The following HELZ variants were observed in gnomAD, a reference collection of about 807,000 sequenced individuals.
The protein encoded by HELZ is helicase with zinc finger.
Under a neutral mutation model 218.2 loss-of-function variants are expected in HELZ, and 23 were observed. The ratio of observed to expected loss-of-function variants is 0.11; its 90% CI spans 0.08 to 0.15. The LOEUF (loss-of-function observed/expected upper bound fraction) is 0.15. HELZ is among the 10% of genes least tolerant of loss of function. The pLI, the probability that HELZ is intolerant of heterozygous loss-of-function variation, is 1.00. For synonymous variants in HELZ, 814 were observed against 829.4 expected (o/e 0.98, Z 0.32); for missense variants, 1,813 against 2,353.7 (o/e 0.77, Z 4.75).
At chr17:67,167,882 T>TA (rs1280103607) in intron 13 of HELZ, 86 bp from the exon 14 acceptor site, 2 of 894,600 alleles carry the variant, frequency 2.2e-6, no homozygotes, top group Non-Finnish European at 3.4e-6. Context: ...AAATCAAATA[T>TA]AAACATACCA....
chr17:67,200,278 C>A (rs1361270857), intron 7 of HELZ, among the ~76,000 whole-genome samples: 1 of 152,146 alleles, frequency 6.6e-6, no homozygotes, highest in South Asian at 2.1e-4. Flanking sequence ...AACCTCAGGG[C>A]CTTTTACATG....
At chr17:67,105,335 A>G (rs2143723270) in intron 31 of HELZ, among the ~76,000 whole-genome samples, 1 of 152,338 alleles carries the variant, frequency 6.6e-6, no homozygotes, top group Admixed American at 6.5e-5. Context: ...TCCACTCCTA[A>G]GTTACAGTGT....
intron 27 of HELZ, among the ~76,000 whole-genome samples, chr17:67,118,707 A>AAG (rs1461138447): frequency 6.6e-6 from 1 of 150,424 alleles, no homozygotes; most frequent in East Asian, 1.9e-4. Context: ...AAAAAAAAAA[A>AAG]AAAAAAAAGG....
chr17:67,166,461 A>T lies in HELZ; in HGVS notation c.1895+17T>A. ...TATTAACCTAACTTCCTTTAATAAG[A>T]TATCGCCTTTTTGTACCTGTTAGGA... On this transcript the variant is annotated intron_variant, in intron 15 of 32. Coordinates refer to ENST00000358691, the MANE Select transcript of HELZ (RefSeq NM_014877.4). The T allele has an allele frequency of 1.3e-6, 2 of 1,599,176 alleles. No individual in the cohort carries two copies. The highest frequency in any genetic ancestry group is 1.7e-6 in the Non-Finnish European group (2 of 1,168,872).
In HELZ at chr17:67,199,210, C is replaced by CTTTTTT. The variant is rs1156398239; in HGVS notation, c.429+1913_429+1918dup. On this transcript the variant is annotated intron_variant, in intron 7 of 32. Coordinates refer to ENST00000358691, the MANE Select transcript of HELZ (RefSeq NM_014877.4). ...AAAAGTAATTGCGATTTTGCCATTA[C>CTTTTTT]TTTTTTTTTTTTTTTTTTTTGAGAC... 3.3e-5 allele frequency among the ~76,000 whole-genome samples: 4 copies of CTTTTTT among 122,982 alleles called. 1 individual carries two copies. Among genetic ancestry groups the CTTTTTT allele is most frequent in the Non-Finnish European group, 3.4e-5 (2 of 59,636 alleles). The allele number at this position is 122,982 out of a possible 152,430, so 80.7% of individuals were successfully genotyped here. A position where few individuals can be genotyped will look rare whatever the true frequency, so the allele number is the denominator to read the frequency against.
intron 15 of HELZ, among the ~76,000 whole-genome samples, chr17:67,161,334 G>A (rs1162595944): frequency 6.6e-6 from 1 of 152,142 alleles, no homozygotes; most frequent in Non-Finnish European, 1.5e-5. Flanking sequence ...CTAATCTAAG[G>A]AAATCACATA....
Position 67,148,591 on chromosome 17 carries a change from G to A in HELZ, c.2599C>T (p.Arg867Cys). The change falls in exon 20 of 33, where the codon CGC (arginine) becomes TGC (cysteine). Residue 867 changes from arginine to cysteine, a missense_variant. Arg to Cys is a radical substitution (Grantham distance 180, BLOSUM62 -3). This residue lies in a region of HELZ where 5 missense variants were observed against 22.6 expected (regional missense o/e 0.22). Coordinates refer to ENST00000358691, the MANE Select transcript of HELZ (RefSeq NM_014877.4). ...PCRILLCENY[R>C]SHEAIINYTS... ...TACTTGATGATAGCTTCATGGGAGCGGTAGTTCTCACACAGGAGAATCCTA... is the reference window on the plus strand; with the variant it reads ...TACTTGATGATAGCTTCATGGGAGCAGTAGTTCTCACACAGGAGAATCCTA... The A allele has an allele frequency of 6.2e-7, 1 of 1,613,326 alleles. No homozygotes were observed. Among genetic ancestry groups the A allele is most frequent in the Non-Finnish European group, 8.5e-7 (1 of 1,179,668 alleles).
intron 12 of HELZ, among the ~76,000 whole-genome samples, chr17:67,186,707 A>T (rs1225330331): frequency 4.6e-5 from 7 of 152,222 alleles, no homozygotes; most frequent in Non-Finnish European, 7.3e-5. Flanking sequence ...TTCTATGGGT[A>T]AAGGAGTCTG....
chr17:67,156,416 C>G (rs1486598030), intron 17 of HELZ, among the ~76,000 whole-genome samples: 2 of 152,112 alleles, frequency 1.3e-5, no homozygotes, highest in Admixed American at 1.3e-4. Flanking sequence ...CACAGCCAGG[C>G]TTCTTAGAAG....
intron 21 of HELZ, among the ~76,000 whole-genome samples, chr17:67,144,030 AATCTTTATAAAAGAT>A (rs1346164451): frequency 3.3e-5 from 5 of 152,184 alleles, no homozygotes; most frequent in Non-Finnish European, 5.9e-5. Flanking sequence ...TATTAGTCAG[AATCTTTATAAAAGAT>A]ATCATTTTCC....
intron 3 of HELZ, among the ~76,000 whole-genome samples, chr17:67,235,228 C>A (rs959101139): frequency 6.6e-6 from 1 of 151,936 alleles, no homozygotes; most frequent in South Asian, 2.1e-4. Context: ...AACAGAAGGC[C>A]GGGCGCGGTG....
chr17:67,183,884 T>G (rs1400184930), intron 12 of HELZ, among the ~76,000 whole-genome samples: 3 of 151,690 alleles, frequency 2.0e-5, no homozygotes, highest in Admixed American at 1.3e-4. Flanking sequence ...AAAGCAAAAC[T>G]AAAGTCACTC....
chr17:67,199,301 C>T (rs187407709), intron 7 of HELZ, among the ~76,000 whole-genome samples: 54 of 151,566 alleles, frequency 3.6e-4, no homozygotes, highest in Non-Finnish European at 5.2e-4. Context: ...CAACTTCCGC[C>T]TCCTGGGTTC....
intron 5 of HELZ, among the ~76,000 whole-genome samples, chr17:67,213,271 C>G (rs1433002107): frequency 2.0e-5 from 3 of 152,110 alleles, no homozygotes; most frequent in African/African-American, 7.2e-5. Flanking sequence ...ATTACAGAGA[C>G]TGGGCAGTCT....
intron 31 of HELZ, among the ~76,000 whole-genome samples, chr17:67,089,696 G>GAGAGAGAGAGAGAGAGACAGAGAC (rs34752223): frequency 1.6e-5 from 2 of 122,672 alleles, no homozygotes; most frequent in Non-Finnish European, 3.4e-5. Flanking sequence ...GAGAGAGAGA[G>GAGAGAGAGAGAGAGAGACAGAGAC]AGAGACAGAG....
At chr17:67,122,921 A>C (rs758427011) in intron 26 of HELZ, 49 bp downstream of exon 26, 1 of 1,379,700 alleles carries the variant, frequency 7.2e-7, no homozygotes, top group South Asian at 1.4e-5. Flanking sequence ...CATTTTAGTG[A>C]AACCTATTTT....
In HELZ at chr17:67,109,418, G is replaced by A. The variant is rs1249032625; in HGVS notation, c.4187C>T (p.Pro1396Leu). 5.6e-6 allele frequency: 9 copies of A among 1,614,180 alleles called. No individual in the cohort carries two copies. Among genetic ancestry groups the A allele is most frequent in the African/African-American group, 1.3e-5 (1 of 75,048 alleles). ...NLPEQPNQIP[P>L]QPNQVVQQQS... Reference sequence around the variant, plus strand: ...CTGCTGGACTACCTGATTTGGCTGAGGTGGTATCTGATTTGGTTGTTCAGG... The same window carrying A: ...CTGCTGGACTACCTGATTTGGCTGAAGTGGTATCTGATTTGGTTGTTCAGG... Residue 1396 changes from proline (P) to leucine (L), a missense_variant, in exon 29 of 33, where the codon CCT becomes CTT. Physicochemically the swap from Pro to Leu is moderately conservative, Grantham distance 98 (BLOSUM62 -3). Coordinates refer to ENST00000358691, the MANE Select transcript of HELZ (RefSeq NM_014877.4).
intron 13 of HELZ, chr17:67,173,031 TGACA>T: frequency 3.1e-6 from 3 of 981,584 alleles, no homozygotes; most frequent in Non-Finnish European, 3.6e-6. Flanking sequence ...AATCCTCTTG[TGACA>T]TTGGTTGTGT....
intron 3 of HELZ, among the ~76,000 whole-genome samples, chr17:67,219,384 G>A (rs776305116): frequency 2.6e-5 from 4 of 152,234 alleles, no homozygotes; most frequent in Admixed American, 6.5e-5. Context: ...TGAATGCAAA[G>A]ACAGGGCATG....
Sources: gnomAD v4.1 joint callset for allele counts (sites outside exome capture counted in the v4.1 genomes callset) on GRCh38, gnomAD v4.1.1 for gene constraint, gnomAD v4.1.1 regional missense constraint, MANE v1.5 for transcripts, NCBI Gene and HGNC (gene_info 2026-07-23, HGNC 2026-07-21) for gene names.